ZSWIM5: variants seen among roughly 807,000 people sequenced by gnomAD.
The protein encoded by ZSWIM5 is zinc finger SWIM domain-containing protein 5.
ZSWIM5 carries 55 observed loss-of-function variants against 119.6 expected under a neutral mutation model. That is an observed-to-expected ratio of 0.46 (90% CI 0.37 to 0.58). ZSWIM5 has a LOEUF of 0.58. Ranked by LOEUF, ZSWIM5 falls within the 20% of genes least tolerant of loss-of-function variation. ZSWIM5 has a pLI of 0.00. For missense variants in ZSWIM5, 1,193 were observed against 1,512.8 expected (o/e 0.79, Z 3.51); for synonymous variants, 537 against 606.9 (o/e 0.88, Z 1.69).
At chr1:45,076,155 C>T (rs554203112) in intron 2 of ZSWIM5, among the ~76,000 whole-genome samples, 108 of 152,182 alleles carry the variant, frequency 7.1e-4, no homozygotes, top group Middle Eastern at 6.8e-3. Flanking sequence ...TTACACATCA[C>T]GGTTACAATG....
rs1645578756 is a variant in ZSWIM5, at chr1:45,119,577, A to G, written c.596-31340T>C. ...TTCCTCAGGCCTTAGAAGCATGCTA[A>G]AGAAATATTACAAACTTGTCAATGT... On this transcript the variant is annotated intron_variant, in intron 1 of 13. Coordinates refer to ENST00000359600, the MANE Select transcript of ZSWIM5 (RefSeq NM_020883.2). 3.3e-5 allele frequency among the ~76,000 whole-genome samples: 5 copies of G among 152,196 alleles called. No individual in the cohort carries two copies. In the South Asian group the frequency reaches 1.0e-3, roughly 32 times the overall value.
At chr1:45,182,248 CA>C (rs1302991283) in intron 1 of ZSWIM5, among the ~76,000 whole-genome samples, 13 of 151,950 alleles carry the variant, frequency 8.6e-5, no homozygotes, top group East Asian at 1.9e-4. Flanking sequence ...ACTAAAAATA[CA>C]AAAAATTAGC....
At chr1:45,204,656 T>C (rs564851556) in intron 1 of ZSWIM5, among the ~76,000 whole-genome samples, 11 of 152,292 alleles carry the variant, frequency 7.2e-5, no homozygotes, top group Admixed American at 2.0e-4. Context: ...GAGAGCTAGA[T>C]GTCTGGGGTT....
chr1:45,204,864 A>AT (rs1570220115), intron 1 of ZSWIM5, among the ~76,000 whole-genome samples: 1 of 152,148 alleles, frequency 6.6e-6, no homozygotes, highest in Non-Finnish European at 1.5e-5. Flanking sequence ...AATGTTAATC[A>AT]TTTTTTTATC....
At chr1:45,115,342 G>A (rs936941689) in intron 1 of ZSWIM5, among the ~76,000 whole-genome samples, 8 of 152,018 alleles carry the variant, frequency 5.3e-5, no homozygotes, top group Admixed American at 3.3e-4. Flanking sequence ...TTTCCCAGAC[G>A]GGGTGGCTGC....
chr1:45,035,369 C>T (rs150235965), intron 10 of ZSWIM5, among the ~76,000 whole-genome samples: 60 of 152,244 alleles, frequency 3.9e-4, no homozygotes, highest in Non-Finnish European at 7.8e-4. Flanking sequence ...TACAGAAGGG[C>T]TCAGACCCCT....
At position 45,019,457 on chromosome 1, in the gene ZSWIM5, A is replaced by C. The variant is rs1054584468; in HGVS notation, c.2696-141T>G. 8.6e-7 allele frequency: 1 copy of C among 1,159,326 alleles called. No individual in the cohort carries two copies. Among genetic ancestry groups the C allele is most frequent in the African/African-American group, 1.5e-5 (1 of 64,930 alleles). 71.8% of individuals were successfully genotyped at this position (1,159,326 alleles called of 1,614,324 possible). Reference sequence around the variant, plus strand: ...ACCTTGAGATGATATGAGGCAAACCAGGGCAAGGGGAGCATCCCAGATGGC... The same window carrying C: ...ACCTTGAGATGATATGAGGCAAACCCGGGCAAGGGGAGCATCCCAGATGGC... On this transcript the variant is annotated intron_variant, in intron 13 of 13. Transcript: ENST00000359600. This position sits in a 1 kb window ranked among gnomAD's most constrained non-coding sequence, Gnocchi z 5.0.
intron 1 of ZSWIM5, among the ~76,000 whole-genome samples, chr1:45,103,125 C>T (rs1645450132): frequency 6.6e-6 from 1 of 152,144 alleles, no homozygotes; most frequent in Admixed American, 6.6e-5. Flanking sequence ...GCCTTGGCCT[C>T]CCAAAGTGCT....
chr1:45,101,568 G>T (rs1036605224), intron 1 of ZSWIM5, among the ~76,000 whole-genome samples: 13 of 152,164 alleles, frequency 8.5e-5, no homozygotes, highest in Non-Finnish European at 1.6e-4. Context: ...TATAAATCAT[G>T]CTACTATAAA....
chr1:45,116,648 A>G (rs1427420382), intron 1 of ZSWIM5, among the ~76,000 whole-genome samples: 1 of 152,232 alleles, frequency 6.6e-6, no homozygotes, highest in Non-Finnish European at 1.5e-5. Context: ...GGAAAAACCA[A>G]TGGCCAAACA....
rs754425166 is a variant in ZSWIM5 at position 45,035,743 on chromosome 1, C to A, written c.2236G>T (p.Ala746Ser). Residue 746 changes from alanine (A) to serine (S), a missense_variant, in exon 10 of 14, where the codon GCT becomes TCT. Ala to Ser is a moderately conservative substitution (Grantham distance 99). Coordinates refer to ENST00000359600, the MANE Select transcript of ZSWIM5 (RefSeq NM_020883.2). ...AGGTCTGGATCATGAGGCAGCAGAGCTGAGAACAAATACTTGGCAAAGGTA... is the reference window on the plus strand; with the variant it reads ...AGGTCTGGATCATGAGGCAGCAGAGATGAGAACAAATACTTGGCAAAGGTA... ...MHTFAKYLFS[A>S]LLPHDPDLSY... 5.3e-5 allele frequency: 86 copies of A among 1,613,836 alleles called. No homozygotes were observed. In the Admixed American group the frequency reaches 1.4e-3, roughly 25 times the overall value.
At chr1:45,023,990 T>G (rs1311544170) in intron 11 of ZSWIM5, among the ~76,000 whole-genome samples, 1 of 152,240 alleles carries the variant, frequency 6.6e-6, no homozygotes, top group African/African-American at 2.4e-5. Context: ...ATATGCTTGT[T>G]TGATATCTGT....
At position 45,206,235 on chromosome 1, in the gene ZSWIM5, G is replaced by T. The variant is rs375749403; in HGVS notation, c.116C>A (p.Ala39Glu). 8.2e-6 allele frequency: 13 copies of T among 1,584,112 alleles called. No homozygotes were observed. Among genetic ancestry groups the T allele is most frequent in the Non-Finnish European group, 1.0e-5 (12 of 1,166,638 alleles). The change falls in exon 1 of 14, where the codon GCA becomes GAA. Residue 39 changes from alanine to glutamate, a missense_variant. Ala to Glu is a moderately radical substitution (Grantham distance 107). Transcript: ENST00000359600. The stretch of plus-strand genomic sequence containing the variant: ...GACGCCCCCTGCCCCTCCGCCGGCT[G>T]CCCCAGGCGAACCGCGAGGGTGATG... ...QAHHPRGSPG[A>E]AGGGAGGVGS...
chr1:45,065,222 G>C (rs963523504), intron 2 of ZSWIM5, among the ~76,000 whole-genome samples: 2 of 152,206 alleles, frequency 1.3e-5, no homozygotes, highest in African/African-American at 2.4e-5. Flanking sequence ...GGGTTGTTGA[G>C]TACCTTGGAG....
intron 1 of ZSWIM5, among the ~76,000 whole-genome samples, chr1:45,164,117 A>C (rs1645883885): frequency 6.6e-6 from 1 of 152,244 alleles, no homozygotes; most frequent in Admixed American, 6.5e-5. Context: ...CTAACAGTGG[A>C]TCTCTCGGCA....
chr1:45,088,242 G>A lies in ZSWIM5; in HGVS notation c.596-5C>T. ...CTGTGCCACTCAGATGAAAGCCTAA[G>A]GAAACACAAAAGAAACTGTGTTTAG... On this transcript the variant is annotated splice_polypyrimidine_tract_variant and splice_region_variant and intron_variant, in intron 1 of 13. Coordinates refer to ENST00000359600, the MANE Select transcript of ZSWIM5 (RefSeq NM_020883.2). This position sits in a 1 kb window ranked among gnomAD's most constrained non-coding sequence, Gnocchi z 4.2. The A allele has an allele frequency of 4.5e-6, 7 of 1,561,226 alleles. No individual in the cohort carries two copies. Among genetic ancestry groups the A allele is most frequent in the Non-Finnish European group, 6.1e-6 (7 of 1,153,692 alleles).
At chr1:45,117,144 C>T (rs1298321380) in intron 1 of ZSWIM5, among the ~76,000 whole-genome samples, 1 of 152,144 alleles carries the variant, frequency 6.6e-6, no homozygotes, top group African/African-American at 2.4e-5. Flanking sequence ...TGATAACTAA[C>T]CCTCACAACC....
chr1:45,028,558 C>G (rs1180880376), intron 11 of ZSWIM5, among the ~76,000 whole-genome samples: 1 of 151,964 alleles, frequency 6.6e-6, no homozygotes, highest in Non-Finnish European at 1.5e-5. Flanking sequence ...GAGTTTGAGA[C>G]CAGCCTGGCT....
At chr1:45,155,651 T>C (rs543333974) in intron 1 of ZSWIM5, among the ~76,000 whole-genome samples, 1 of 152,180 alleles carries the variant, frequency 6.6e-6, no homozygotes, top group South Asian at 2.1e-4. Context: ...CATCAATCAA[T>C]GAGTGGATAA....
Sources: gnomAD v4.1 joint callset for allele counts (sites outside exome capture counted in the v4.1 genomes callset) on GRCh38, gnomAD v4.1.1 for gene constraint, Gnocchi (gnomAD v3.1) non-coding constraint, MANE v1.5 for transcripts, NCBI Gene and HGNC (gene_info 2026-07-23, HGNC 2026-07-21) for gene names.